The following CSMD1 variants were observed in gnomAD, a reference collection of about 807,000 sequenced individuals.
The protein encoded by CSMD1 is CUB and sushi domain-containing protein 1.
A neutral mutation model predicts 417.5 loss-of-function variants in CSMD1; 213 were observed. That is an observed-to-expected ratio of 0.51 (90% CI 0.46 to 0.57). The LOEUF (loss-of-function observed/expected upper bound fraction) is 0.57, where lower values mean the gene tolerates loss of function less well. Among genes scored for constraint, CSMD1 ranks in the 20% least tolerant of loss-of-function variants. The pLI is 0.00. For missense variants in CSMD1, 6,923 were observed against 4,529.7 expected (o/e 1.53, Z -15.17); for synonymous variants, 2,862 against 1,736.8 (o/e 1.65, Z -16.11).
At position 4,411,597 on chromosome 8, in the gene CSMD1, C is replaced by G. The variant is rs77416754; in HGVS notation, c.415+8356G>C. On this transcript the variant is annotated intron_variant, in intron 3 of 69. Transcript: ENST00000635120. ...TGCAATGAGCTAAATAACAGTTATA[C>G]GGAGAAAAATACAGCAATCCTTCCA... Among the ~76,000 whole-genome samples the G allele has an allele frequency of 1.4e-3, 218 of 152,206 alleles. 7 individuals are homozygous for G. The East Asian group carries it at 0.035, about 24-fold the overall frequency.
intron 3 of CSMD1, among the ~76,000 whole-genome samples, chr8:4,398,296 T>G (rs1021591770): frequency 6.6e-6 from 1 of 152,144 alleles, no homozygotes; most frequent in Admixed American, 6.5e-5. Context: ...GACAATCGTC[T>G]CTACTCTTAG....
chr8:4,006,090 C>T (rs916746455), intron 4 of CSMD1, among the ~76,000 whole-genome samples: 1 of 152,166 alleles, frequency 6.6e-6, no homozygotes, highest in Non-Finnish European at 1.5e-5. Flanking sequence ...CCAACAGATG[C>T]AACAGAAAGC....
intron 3 of CSMD1, among the ~76,000 whole-genome samples, chr8:4,234,327 G>T (rs190091952): frequency 2.1e-4 from 32 of 152,246 alleles, no homozygotes; most frequent in Admixed American, 1.2e-3. Context: ...CACAAGTTTA[G>T]AAATGGGCCG....
chr8:4,645,907 G>C (rs186980313), intron 1 of CSMD1, among the ~76,000 whole-genome samples: 1,591 of 152,156 alleles, frequency 0.01, 4 homozygotes, highest in Middle Eastern at 0.024. Flanking sequence ...TAAAATATGA[G>C]GATTTCAAGG....
At chr8:4,715,996 G>C (rs773663174) in intron 1 of CSMD1, among the ~76,000 whole-genome samples, 1 of 152,154 alleles carries the variant, frequency 6.6e-6, no homozygotes, top group East Asian at 1.9e-4. Context: ...AATCTTACCA[G>C]TGGTCCAAAG....
At chr8:3,558,421 T>A (rs1799284999) in intron 10 of CSMD1, among the ~76,000 whole-genome samples, 4 of 150,154 alleles carry the variant, frequency 2.7e-5, no homozygotes, top group Non-Finnish European at 5.9e-5. Flanking sequence ...GGTGCCTCAA[T>A]GGTACCCCGT....
chr8:4,399,429 A>C (rs1327878728), intron 3 of CSMD1, among the ~76,000 whole-genome samples: 3 of 152,206 alleles, frequency 2.0e-5, no homozygotes, highest in African/African-American at 7.2e-5. Flanking sequence ...ATATGTGAGA[A>C]ATTGATGAGC....
chr8:3,975,936 A>T (rs978946609), intron 5 of CSMD1, among the ~76,000 whole-genome samples: 2 of 152,158 alleles, frequency 1.3e-5, no homozygotes, highest in African/African-American at 2.4e-5. Flanking sequence ...TATTTGCAGT[A>T]TGTTTTATCT....
chr8:4,690,930 T>A (rs1460065016), intron 1 of CSMD1, among the ~76,000 whole-genome samples: 1 of 152,182 alleles, frequency 6.6e-6, no homozygotes, highest in African/African-American at 2.4e-5. Context: ...GGTTTCACCA[T>A]GTTGGCCAGG....
intron 3 of CSMD1, among the ~76,000 whole-genome samples, chr8:4,233,130 C>T (rs924652171): frequency 1.3e-5 from 2 of 152,190 alleles, no homozygotes; most frequent in Non-Finnish European, 2.9e-5. Flanking sequence ...TTATCCACAA[C>T]GTTCCAGCTT....
intron 60 of CSMD1, 59 bp downstream of exon 60, chr8:2,963,163 G>T: frequency 6.4e-7 from 1 of 1,574,598 alleles, no homozygotes; most frequent in Non-Finnish European, 8.7e-7. Context: ...ATGTGCCCTG[G>T]TTATCCGTCC....
intron 4 of CSMD1, among the ~76,000 whole-genome samples, chr8:4,001,430 C>T (rs920763343): frequency 2.6e-5 from 4 of 152,024 alleles, no homozygotes; most frequent in African/African-American, 9.7e-5. Context: ...TGTAGGGCTC[C>T]GGGTAGTGGA....
At chr8:4,257,452 C>T (rs1342166925) in intron 3 of CSMD1, among the ~76,000 whole-genome samples, 2 of 151,970 alleles carry the variant, frequency 1.3e-5, no homozygotes, top group African/African-American at 4.8e-5. Flanking sequence ...ATTAAGAATT[C>T]CTTCCTTAAT....
chr8:4,649,245 T>C (rs139397777), intron 1 of CSMD1, among the ~76,000 whole-genome samples: 1 of 152,312 alleles, frequency 6.6e-6, no homozygotes, highest in African/African-American at 2.4e-5. Context: ...ACAGTAAACA[T>C]TTGGTCTATG....
intron 5 of CSMD1, among the ~76,000 whole-genome samples, chr8:3,897,706 C>T (rs1268869290): frequency 6.6e-6 from 1 of 152,050 alleles, no homozygotes; most frequent in African/African-American, 2.4e-5. Flanking sequence ...GCCCATAATC[C>T]CGTGAGGAAG....
At position 4,543,671 on chromosome 8, in the gene CSMD1, G is replaced by GAA. The variant is rs35739254; in HGVS notation, c.302+93669_302+93670dup. On this transcript the variant is annotated intron_variant, in intron 2 of 69. Transcript: ENST00000635120. ...ATATGGGAAGGACACGTTTAATTTTGAAAAAAAAAAAAAAAAAAAAAAAAA... is the reference window on the plus strand; with the variant it reads ...ATATGGGAAGGACACGTTTAATTTTGAAAAAAAAAAAAAAAAAAAAAAAAAAA... Among the ~76,000 whole-genome samples, 41 of 57,328 alleles carry GAA rather than the reference G, an allele frequency of 7.2e-4. 2 individuals carry two copies. Among genetic ancestry groups the GAA allele is most frequent in the East Asian group, 3.9e-3 (6 of 1,522 alleles). The allele number at this position is 57,328 out of a possible 152,430, so 37.6% of individuals were successfully genotyped here.
intron 49 of CSMD1, among the ~76,000 whole-genome samples, chr8:3,053,517 G>A (rs62488260): frequency 0.24 from 36,060 of 152,108 alleles, 5,028 homozygotes; most frequent in East Asian, 0.34. Context: ...ATAAGGAATT[G>A]ATAGAGGAGG....
In CSMD1 at chr8:3,408,010, A is replaced by G. The variant is rs372009156; in HGVS notation, c.1960T>C (p.Phe654Leu). 2.5e-6 allele frequency: 4 copies of G among 1,613,958 alleles called. No homozygotes were observed. Among genetic ancestry groups the G allele is most frequent in the African/African-American group, 1.3e-5 (1 of 75,036 alleles). Reference protein sequence around the residue: ...GISDITVLGTFSGNEVPSQLA... With the variant: ...GISDITVLGTLSGNEVPSQLA... The stretch of plus-strand genomic sequence containing the variant: ...TGGGAAGGCACTTCATTGCCAGAAA[A>G]AGTACCCAGGACAGTTATGTCAGAA... The change falls in exon 14 of 70, where the codon TTT becomes CTT. Residue 654 changes from phenylalanine (F) to leucine (L), a missense_variant. Physicochemically the swap from Phe to Leu is conservative, Grantham distance 22. Transcript: ENST00000635120.
intron 12 of CSMD1, among the ~76,000 whole-genome samples, chr8:3,416,572 C>T (rs953087138): frequency 1.1e-4 from 17 of 152,296 alleles, no homozygotes; most frequent in East Asian, 5.8e-4. Context: ...ATAGTTAGCA[C>T]GCTTGCTTGT....
Sources: gnomAD v4.1 joint callset for allele counts (sites outside exome capture counted in the v4.1 genomes callset) on GRCh38, gnomAD v4.1.1 for gene constraint, MANE v1.5 for transcripts, NCBI Gene and HGNC (gene_info 2026-07-23, HGNC 2026-07-21) for gene names.